The following CACNB2 variants were observed in gnomAD, a reference collection of about 807,000 sequenced individuals.
CACNB2 encodes the protein voltage-dependent L-type calcium channel subunit beta-2.
CACNB2 carries 42 observed loss-of-function variants against 73.3 expected under a neutral mutation model. The ratio of observed to expected loss-of-function variants is 0.57; its 90% CI spans 0.45 to 0.74. The LOEUF (loss-of-function observed/expected upper bound fraction) is 0.74. CACNB2 is among the 30% of genes least tolerant of loss of function. The pLI, the probability that CACNB2 is intolerant of heterozygous loss-of-function variation, is 0.00. For missense variants in CACNB2, 940 were observed against 853.0 expected, an observed-to-expected ratio of 1.10 and a Z score of -1.27; for synonymous variants, 348 against 310.3, an observed-to-expected ratio of 1.12 and a Z score of -1.28.
intron 3 of CACNB2, among the ~76,000 whole-genome samples, chr10:18,448,540 C>T (rs1010704927): frequency 8.9e-5 from 13 of 145,946 alleles, no homozygotes; most frequent in Admixed American, 1.4e-4. Context: ...AAAAGTTAGA[C>T]TACAGAATTC....
chr10:18,367,801 A>G (rs1056204397), intron 2 of CACNB2, among the ~76,000 whole-genome samples: 1 of 152,190 alleles, frequency 6.6e-6, no homozygotes, highest in Non-Finnish European at 1.5e-5. Context: ...TAAACCATAT[A>G]CTTCTTTGAA....
intron 11 of CACNB2, 116 bp from the exon 12 acceptor site, chr10:18,535,984 TA>T: frequency 1.5e-6 from 1 of 668,352 alleles, no homozygotes. Flanking sequence ...TAGCTCCATC[TA>T]TTATAAGCCC....
At chr10:18,442,680 C>T (rs371479261) in intron 3 of CACNB2, among the ~76,000 whole-genome samples, 267 of 150,996 alleles carry the variant, frequency 1.8e-3, no homozygotes, top group South Asian at 8.4e-3. Context: ...CAAAAATTAG[C>T]TGGGCGTGGT....
intron 2 of CACNB2, among the ~76,000 whole-genome samples, chr10:18,331,935 A>G (rs991882940): frequency 6.6e-6 from 1 of 152,156 alleles, no homozygotes; most frequent in Non-Finnish European, 1.5e-5. Flanking sequence ...GTGAGGGGAA[A>G]GCACTCTAAG....
chr10:18,205,557 G>C (rs1181351186), intron 2 of CACNB2, among the ~76,000 whole-genome samples: 2 of 152,018 alleles, frequency 1.3e-5, no homozygotes, highest in East Asian at 1.9e-4. Flanking sequence ...TTAATATTTG[G>C]TGTATTGTTT....
intron 2 of CACNB2, among the ~76,000 whole-genome samples, chr10:18,369,351 T>C (rs1345647539): frequency 1.3e-5 from 2 of 152,224 alleles, no homozygotes; most frequent in African/African-American, 4.8e-5. Flanking sequence ...ATTTAAAATA[T>C]CCTGTACTTT....
At chr10:18,393,080 G>A (rs533365425) in intron 2 of CACNB2, among the ~76,000 whole-genome samples, 1 of 151,956 alleles carries the variant, frequency 6.6e-6, no homozygotes, top group East Asian at 1.9e-4. Context: ...ATGGTGGTGG[G>A]CACCTGTAAT....
chr10:18,195,911 T>C (rs1242344576), intron 2 of CACNB2, among the ~76,000 whole-genome samples: 2 of 152,214 alleles, frequency 1.3e-5, no homozygotes, highest in Non-Finnish European at 1.5e-5. Context: ...TTAAAATGCA[T>C]CTGTAGTCTT....
At position 18,255,416 on chromosome 10, in the gene CACNB2, C is replaced by T. The variant is rs569128719; in HGVS notation, c.213+104441C>T. ...TCTAATTCTCGAAGATGTCAACCCCCTCTACATTCTCATAGTATTCTGTAC... is the reference window on the plus strand; with the variant it reads ...TCTAATTCTCGAAGATGTCAACCCCTTCTACATTCTCATAGTATTCTGTAC... On this transcript the variant is annotated intron_variant, in intron 2 of 13. Coordinates refer to ENST00000324631, the MANE Select transcript of CACNB2 (RefSeq NM_201596.3). 5.3e-5 allele frequency among the ~76,000 whole-genome samples: 8 copies of T among 152,310 alleles called. No homozygotes were observed. The South Asian group carries it at 1.7e-3, about 32-fold the overall frequency.
intron 3 of CACNB2, among the ~76,000 whole-genome samples, chr10:18,452,783 G>A (rs1370468217): frequency 6.6e-6 from 1 of 152,164 alleles, no homozygotes; most frequent in Non-Finnish European, 1.5e-5. Flanking sequence ...AAGGTTCTCT[G>A]GCCTACCAGC....
chr10:18,224,616 G>A (rs1400048875), intron 2 of CACNB2, among the ~76,000 whole-genome samples: 1 of 152,158 alleles, frequency 6.6e-6, no homozygotes, highest in Non-Finnish European at 1.5e-5. Flanking sequence ...ATAGAACCTG[G>A]ATGAGAACCT....
At chr10:18,447,370 C>T (rs2046787437) in intron 3 of CACNB2, among the ~76,000 whole-genome samples, 1 of 152,124 alleles carries the variant, frequency 6.6e-6, no homozygotes, top group African/African-American at 2.4e-5. Flanking sequence ...CTGGGGTTAT[C>T]ACCTAGGGGT....
At chr10:18,357,777 G>A (rs1365514857) in intron 2 of CACNB2, among the ~76,000 whole-genome samples, 1 of 152,188 alleles carries the variant, frequency 6.6e-6, no homozygotes, top group African/African-American at 2.4e-5. Context: ...GGATTGCTGT[G>A]TAAAATGCAA....
At chr10:18,359,341 G>T (rs4748456) in intron 2 of CACNB2, among the ~76,000 whole-genome samples, 1 of 151,966 alleles carries the variant, frequency 6.6e-6, no homozygotes, top group Non-Finnish European at 1.5e-5. Flanking sequence ...GCGCCATCTC[G>T]GCTCACTGCA....
chr10:18,236,562 T>C (rs1025674650), intron 2 of CACNB2, among the ~76,000 whole-genome samples: 28 of 152,172 alleles, frequency 1.8e-4, no homozygotes, highest in African/African-American at 6.8e-4. Flanking sequence ...TAAATGCCAA[T>C]TGTTGGTATT....
At position 18,491,819 on chromosome 10, in the gene CACNB2, TAAAAAAAAA is replaced by T. The variant is rs68179779; in HGVS notation, c.334-6516_334-6508del. On this transcript the variant is annotated intron_variant, in intron 3 of 13. Coordinates refer to ENST00000324631, the MANE Select transcript of CACNB2 (RefSeq NM_201596.3). ...TATTCCCTTGGAACTTCAAGTTGGT[TAAAAAAAAA>T]AAAAAAAAAAAAAAAAAAAGCCTGA... Among the ~76,000 whole-genome samples the T allele has an allele frequency of 1.1e-3, 70 of 65,590 alleles. 1 individual carries two copies. The highest frequency in any genetic ancestry group is 2.6e-3 in the Admixed American group (14 of 5,324). 43.0% of individuals were successfully genotyped at this position (65,590 alleles called of 152,430 possible).
intron 2 of CACNB2, among the ~76,000 whole-genome samples, chr10:18,155,250 A>G (rs1391956167): frequency 6.6e-6 from 1 of 152,180 alleles, no homozygotes; most frequent in African/African-American, 2.4e-5. Flanking sequence ...CTTACTTCCA[A>G]TACCATACAT....
At chr10:18,342,721 C>T (rs1035494192) in intron 2 of CACNB2, among the ~76,000 whole-genome samples, 2 of 152,018 alleles carry the variant, frequency 1.3e-5, no homozygotes, top group Admixed American at 1.3e-4. Flanking sequence ...TCTTTATAAC[C>T]ATTCAACACT....
At chr10:18,365,823 C>T (rs1163009689) in intron 2 of CACNB2, among the ~76,000 whole-genome samples, 2 of 152,100 alleles carry the variant, frequency 1.3e-5, no homozygotes, top group Non-Finnish European at 2.9e-5. Context: ...TACTTTCTCA[C>T]ACAAATTATT....
Sources: gnomAD v4.1 joint callset for allele counts (sites outside exome capture counted in the v4.1 genomes callset) on GRCh38, gnomAD v4.1.1 for gene constraint, MANE v1.5 for transcripts, NCBI Gene and HGNC (gene_info 2026-07-23, HGNC 2026-07-21) for gene names.